MIPOL1: variants seen among roughly 807,000 people sequenced by gnomAD.
MIPOL1 encodes the protein mirror-image polydactyly 1.
In MIPOL1, 57 loss-of-function variants were observed where a neutral mutation model predicts 60.9. The observed-to-expected ratio is 0.94, with a 90% CI of 0.76 to 1.17. The LOEUF is 1.17. Ranked by LOEUF, MIPOL1 falls within the 50% of genes most tolerant of loss-of-function variation. The pLI is 0.00. For synonymous variants in MIPOL1, 179 were observed against 168.8 expected, an observed-to-expected ratio of 1.06 and a Z score of -0.47; for missense variants, 551 against 511.6, an observed-to-expected ratio of 1.08 and a Z score of -0.74.
At position 37,285,317 on chromosome 14, in the gene MIPOL1, G is replaced by A. The variant is rs748408551; in HGVS notation, c.494-1G>A. 1 of 1,613,860 alleles carries A rather than the reference G, an allele frequency of 6.2e-7. No homozygotes were observed. The highest frequency in any genetic ancestry group is 1.1e-5 in the South Asian group (1 of 91,060). ...ATTGTGCGCTTTATATATTTTGGTA[G>A]CTCTGGTTGAAGAAGTGTATTTTGC... On this transcript the variant is annotated splice_acceptor_variant, in intron 6 of 12. Coordinates refer to ENST00000684589, the MANE Select transcript of MIPOL1 (RefSeq NM_001388067.1). LOFTEE classifies it high-confidence loss of function.
At chr14:37,540,866 G>A (rs2095526949) in intron 12 of MIPOL1, among the ~76,000 whole-genome samples, 1 of 152,102 alleles carries the variant, frequency 6.6e-6, no homozygotes, top group African/African-American at 2.4e-5. Context: ...CATACCTTCT[G>A]CATCCATGTA....
intron 6 of MIPOL1, among the ~76,000 whole-genome samples, chr14:37,283,398 C>T (rs964322187): frequency 3.3e-5 from 5 of 152,034 alleles, no homozygotes; most frequent in African/African-American, 1.2e-4. Flanking sequence ...CCACTGCACC[C>T]AGCCAATATT....
chr14:37,430,730 C>A (rs1209032523), intron 11 of MIPOL1, among the ~76,000 whole-genome samples: 1 of 151,960 alleles, frequency 6.6e-6, no homozygotes, highest in Non-Finnish European at 1.5e-5. Context: ...AAGCACTGTG[C>A]AAAGGAGATA....
At chr14:37,294,222 A>G (rs1352251430) in intron 7 of MIPOL1, among the ~76,000 whole-genome samples, 1 of 152,146 alleles carries the variant, frequency 6.6e-6, no homozygotes, top group Non-Finnish European at 1.5e-5. Context: ...CCTCCAGTAA[A>G]CTCCAACAGA....
chr14:37,367,824 G>A (rs950046035), intron 9 of MIPOL1, among the ~76,000 whole-genome samples: 3 of 151,996 alleles, frequency 2.0e-5, no homozygotes, highest in East Asian at 1.9e-4. Flanking sequence ...GAGTACACAC[G>A]ATAGTACAGT....
At chr14:37,458,778 G>A (rs181742091) in intron 11 of MIPOL1, among the ~76,000 whole-genome samples, 8 of 152,094 alleles carry the variant, frequency 5.3e-5, no homozygotes, top group Admixed American at 3.9e-4. Flanking sequence ...TTGAACCCTG[G>A]GAGACAGAGG....
At chr14:37,416,500 T>A (rs2153544153) in intron 10 of MIPOL1, among the ~76,000 whole-genome samples, 1 of 152,296 alleles carries the variant, frequency 6.6e-6, no homozygotes, top group East Asian at 1.9e-4. Context: ...CATGTTCAGC[T>A]GTGACACAGC....
chr14:37,266,831 A>G (rs1195170499), intron 3 of MIPOL1, 107 bp from the exon 4 acceptor site: 2 of 730,220 alleles, frequency 2.7e-6, no homozygotes, highest in Non-Finnish European at 4.6e-6. Flanking sequence ...TAGAAACTAT[A>G]TGTTTAAAGC....
intron 9 of MIPOL1, among the ~76,000 whole-genome samples, chr14:37,329,557 C>A (rs147328169): frequency 6.6e-6 from 1 of 152,086 alleles, no homozygotes; most frequent in Non-Finnish European, 1.5e-5. Context: ...AATGTTTGGG[C>A]AGCACATATT....
At chr14:37,299,083 G>T (rs2086093554) in intron 7 of MIPOL1, among the ~76,000 whole-genome samples, 1 of 152,142 alleles carries the variant, frequency 6.6e-6, no homozygotes, top group Non-Finnish European at 1.5e-5. Flanking sequence ...TTAAGAAAAT[G>T]TGGCACATAT....
At chr14:37,345,591 T>G (rs1326934376) in intron 9 of MIPOL1, among the ~76,000 whole-genome samples, 4 of 152,190 alleles carry the variant, frequency 2.6e-5, no homozygotes, top group African/African-American at 9.7e-5. Flanking sequence ...TATGACTAAA[T>G]GTTCCCAGAT....
chr14:37,231,726 A>G (rs1970663140), intron 1 of MIPOL1, among the ~76,000 whole-genome samples: 1 of 152,160 alleles, frequency 6.6e-6, no homozygotes, highest in Non-Finnish European at 1.5e-5. Flanking sequence ...TTTTGGAACA[A>G]TCAGTAAAGG....
At chr14:37,404,261 T>G (rs1050169535) in intron 10 of MIPOL1, among the ~76,000 whole-genome samples, 1 of 152,174 alleles carries the variant, frequency 6.6e-6, no homozygotes, top group African/African-American at 2.4e-5. Context: ...TGAAATAAAT[T>G]CTTTTTTGGG....
chr14:37,418,390 G>T (rs1448775025), intron 10 of MIPOL1, among the ~76,000 whole-genome samples: 1 of 152,032 alleles, frequency 6.6e-6, no homozygotes, highest in Non-Finnish European at 1.5e-5. Context: ...GATGGCATTG[G>T]TCAAGACTGA....
chr14:37,513,473 G>A (rs1207675603), intron 12 of MIPOL1, among the ~76,000 whole-genome samples: 1 of 152,132 alleles, frequency 6.6e-6, no homozygotes, highest in Non-Finnish European at 1.5e-5. Context: ...AATGTCTCAT[G>A]TTGGTATGAA....
At chr14:37,208,424 T>A (rs1461028691) in intron 1 of MIPOL1, among the ~76,000 whole-genome samples, 1 of 152,072 alleles carries the variant, frequency 6.6e-6, no homozygotes, top group African/African-American at 2.4e-5. Context: ...AAATAAATAA[T>A]ATAGAGAAAT....
intron 9 of MIPOL1, among the ~76,000 whole-genome samples, chr14:37,316,458 G>A (rs1235568903): frequency 6.6e-6 from 1 of 152,058 alleles, no homozygotes; most frequent in African/African-American, 2.4e-5. Context: ...CAGGACAGAG[G>A]CAACGTTGGA....
intron 3 of MIPOL1, among the ~76,000 whole-genome samples, chr14:37,255,747 C>T (rs574649208): frequency 6.6e-5 from 10 of 151,734 alleles, no homozygotes; most frequent in Non-Finnish European, 1.5e-4. Flanking sequence ...ATATTCTTAT[C>T]TGTAGCTTTT....
chr14:37,266,869 T>A, intron 3 of MIPOL1, 69 bp from the exon 4 acceptor site: 1 of 1,042,594 alleles, frequency 9.6e-7, no homozygotes, highest in South Asian at 1.4e-5. Context: ...AATATTTATT[T>A]GACTGAATGA....
Sources: gnomAD v4.1 joint callset for allele counts (sites outside exome capture counted in the v4.1 genomes callset) on GRCh38, gnomAD v4.1.1 for gene constraint, MANE v1.5 for transcripts, NCBI Gene and HGNC (gene_info 2026-07-23, HGNC 2026-07-21) for gene names.